Variants in PALLD observed in about 807,000 individuals in gnomAD.
PALLD encodes palladin, cytoskeletal associated protein.
In PALLD, 61 loss-of-function variants were observed where a neutral mutation model predicts 123.5. That is an observed-to-expected ratio of 0.49 (90% CI 0.40 to 0.61). The LOEUF (loss-of-function observed/expected upper bound fraction) is 0.61, where lower values mean the gene tolerates loss of function less well. PALLD is among the 20% of genes least tolerant of loss of function. The pLI is 0.00. For missense variants in PALLD, 1,273 were observed against 1,377.0 expected, an observed-to-expected ratio of 0.92 and a Z score of 1.20; for synonymous variants, 465 against 496.4, an observed-to-expected ratio of 0.94 and a Z score of 0.84.
At position 168,897,334 on chromosome 4, in the gene PALLD, C is replaced by A. The variant is rs569743412; in HGVS notation, c.2250+735C>A. Among the ~76,000 whole-genome samples, 4 of 152,328 alleles carry A rather than the reference C, an allele frequency of 2.6e-5. No homozygotes were observed. In the South Asian group the frequency reaches 6.2e-4, roughly 24 times the overall value. ...ATACTGTTGTATTTCTTCCCTCAAACCAACAAACTTGTTTTTTAAACACTG... is the reference window on the plus strand; with the variant it reads ...ATACTGTTGTATTTCTTCCCTCAAAACAACAAACTTGTTTTTTAAACACTG... On this transcript the variant is annotated intron_variant, in intron 13 of 21. Coordinates refer to ENST00000505667, the MANE Select transcript of PALLD (RefSeq NM_001166108.2).
chr4:168,643,401 G>A (rs1487049725), intron 2 of PALLD, among the ~76,000 whole-genome samples: 2 of 152,192 alleles, frequency 1.3e-5, no homozygotes, highest in African/African-American at 2.4e-5. Context: ...ATCACAGCCA[G>A]CTAGCCAAAA....
intron 2 of PALLD, among the ~76,000 whole-genome samples, chr4:168,552,644 T>G (rs757613992): frequency 9.9e-5 from 15 of 151,818 alleles, no homozygotes; most frequent in African/African-American, 2.7e-4. Flanking sequence ...AATATGTGGG[T>G]TTTTTGGGGG....
At chr4:168,777,305 G>C (rs1735299567) in intron 10 of PALLD, among the ~76,000 whole-genome samples, 1 of 152,168 alleles carries the variant, frequency 6.6e-6, no homozygotes, top group African/African-American at 2.4e-5. Context: ...TGCAGTTATG[G>C]CTTGGAAGAA....
chr4:168,747,812 A>G (rs1237273474), intron 10 of PALLD, among the ~76,000 whole-genome samples: 1 of 152,256 alleles, frequency 6.6e-6, no homozygotes, highest in Admixed American at 6.5e-5. Context: ...TACTGTAAAT[A>G]TCTTCAAGAA....
At chr4:168,694,418 T>A (rs1782942189) in intron 8 of PALLD, among the ~76,000 whole-genome samples, 1 of 152,176 alleles carries the variant, frequency 6.6e-6, no homozygotes, top group Non-Finnish European at 1.5e-5. Flanking sequence ...AGAGTCACTC[T>A]TGCTCGCTCT....
At chr4:168,704,631 CTCCA>C (rs1784048611) in intron 8 of PALLD, among the ~76,000 whole-genome samples, 1 of 147,432 alleles carries the variant, frequency 6.8e-6, no homozygotes, top group African/African-American at 2.5e-5. Context: ...GCCACTGCAC[CTCCA>C]GCCTGGGCGA....
chr4:168,716,252 G>C (rs894227301), intron 10 of PALLD, among the ~76,000 whole-genome samples: 7 of 152,198 alleles, frequency 4.6e-5, no homozygotes, highest in African/African-American at 1.4e-4. Context: ...GGTTACTGAA[G>C]GGTGATGCGA....
At chr4:168,912,468 T>C (rs1478232722) in intron 15 of PALLD, among the ~76,000 whole-genome samples, 1 of 152,152 alleles carries the variant, frequency 6.6e-6, no homozygotes. Flanking sequence ...AAAAAACAAA[T>C]TAAGAGAAAG....
rs375244843 is a variant in PALLD, at chr4:168,558,728, G to A, written c.908+46316G>A. 3.3e-5 allele frequency among the ~76,000 whole-genome samples: 5 copies of A among 152,254 alleles called. No homozygotes were observed. The East Asian group carries it at 9.7e-4, about 29-fold the overall frequency. ...TGCTTCCATTGAAGCAGAGACCAGA[G>A]GAGCCCCATTCTAACATCCTGTTAC... is the stretch of plus-strand genomic sequence containing the variant. On this transcript the variant is annotated intron_variant, in intron 2 of 21. Transcript: ENST00000505667.
intron 10 of PALLD, among the ~76,000 whole-genome samples, chr4:168,887,224 G>A (rs1404319423): frequency 6.6e-6 from 1 of 152,124 alleles, no homozygotes; most frequent in Non-Finnish European, 1.5e-5. Context: ...CTTGTGGCAG[G>A]GACACAAACC....
chr4:168,644,974 G>A (rs560664863), intron 2 of PALLD, among the ~76,000 whole-genome samples: 14 of 151,934 alleles, frequency 9.2e-5, no homozygotes, highest in Admixed American at 5.2e-4. Context: ...GGTGGTGGGC[G>A]CCTGTAATCC....
chr4:168,718,670 A>C (rs1454209911), intron 10 of PALLD, among the ~76,000 whole-genome samples: 1 of 152,184 alleles, frequency 6.6e-6, no homozygotes, highest in East Asian at 1.9e-4. Flanking sequence ...ATCCTGCCAG[A>C]GATTGTTTAC....
At chr4:168,625,802 G>T (rs1393242126) in intron 2 of PALLD, among the ~76,000 whole-genome samples, 1 of 152,100 alleles carries the variant, frequency 6.6e-6, no homozygotes, top group Non-Finnish European at 1.5e-5. Context: ...TGGAACTCAT[G>T]CGCCCTGTTG....
At position 168,668,195 on chromosome 4, in the gene PALLD, T is replaced by A; in HGVS notation, c.914T>A (p.Phe305Tyr). The change falls in exon 3 of 22, where the codon TTC becomes TAC. Residue 305 changes from phenylalanine (F) to tyrosine (Y), a missense_variant. This residue lies in a region of PALLD where 944 missense variants were observed against 954.5 expected (regional missense o/e 0.99). Coordinates refer to ENST00000505667, the MANE Select transcript of PALLD (RefSeq NM_001166108.2). ...TGNPTPRVRW[F>Y]CEGKELHNTP... ...GACCTCCATTTGGCCTGCAGATGGT[T>A]CTGTGAAGGGAAAGAACTGCACAAC... 6.2e-7 allele frequency: 1 copy of A among 1,613,822 alleles called. No homozygotes were observed. Among genetic ancestry groups the A allele is most frequent in the Non-Finnish European group, 8.5e-7 (1 of 1,179,640 alleles).
chr4:168,754,049 G>A lies in PALLD; in HGVS notation c.1964+42126G>A, dbSNP rs572974358. On this transcript the variant is annotated intron_variant, in intron 10 of 21. Transcript: ENST00000505667. ...TTTAAAAGAAAAGTCAGAAATCTAA[G>A]GATAACAAATTCAGAGCTTTTTAAA... Among the ~76,000 whole-genome samples, 6 of 152,288 alleles carry A rather than the reference G, an allele frequency of 3.9e-5. No homozygotes were observed. In the East Asian group the frequency reaches 1.2e-3, roughly 29 times the overall value.
At chr4:168,524,911 A>G (rs773448220) in intron 2 of PALLD, among the ~76,000 whole-genome samples, 80 of 152,298 alleles carry the variant, frequency 5.3e-4, no homozygotes, top group Non-Finnish European at 9.3e-4. Context: ...CCTTGTTGCA[A>G]CTTGTGAGGG....
In PALLD at chr4:168,928,228, G is replaced by T. The variant is rs767548805; in HGVS notation, c.*2048G>T. On this transcript the variant is annotated 3_prime_UTR_variant, in exon 22 of 22. Transcript: ENST00000505667. ...TCTCTATTGTAGAATTATGACTTAT[G>T]TCTTACTTGCCAAATTTTTCTGAAT... is the stretch of plus-strand genomic sequence containing the variant. The T allele has an allele frequency of 5.4e-6, 1 of 185,364 alleles. No homozygotes were observed. Among genetic ancestry groups the T allele is most frequent in the Non-Finnish European group, 1.1e-5 (1 of 87,216 alleles). The allele number at this position is 185,364 out of a possible 1,614,324, so 11.5% of individuals were successfully genotyped here. A position where few individuals can be genotyped will look rare whatever the true frequency, so the allele number is the denominator to read the frequency against.
chr4:168,795,230 C>G (rs750656378), intron 10 of PALLD, among the ~76,000 whole-genome samples: 1 of 152,158 alleles, frequency 6.6e-6, no homozygotes, highest in African/African-American at 2.4e-5. Flanking sequence ...AATGTCTGCA[C>G]TATATATAGC....
intron 10 of PALLD, among the ~76,000 whole-genome samples, chr4:168,832,427 C>T (rs1183643815): frequency 6.6e-6 from 1 of 152,088 alleles, no homozygotes; most frequent in Non-Finnish European, 1.5e-5. Flanking sequence ...TGGCAGGGCC[C>T]AGACGGGAGA....
Sources: gnomAD v4.1 joint callset for allele counts (sites outside exome capture counted in the v4.1 genomes callset) on GRCh38, gnomAD v4.1.1 for gene constraint, gnomAD v4.1.1 regional missense constraint, MANE v1.5 for transcripts, NCBI Gene and HGNC (gene_info 2026-07-23, HGNC 2026-07-21) for gene names.